SNX8: variants seen among roughly 807,000 people sequenced by gnomAD.
SNX8 encodes the protein sorting nexin-8.
Under a neutral mutation model 51.6 loss-of-function variants are expected in SNX8, and 25 were observed. The observed-to-expected ratio is 0.48, with a 90% CI of 0.35 to 0.68. The LOEUF (loss-of-function observed/expected upper bound fraction) is 0.68, where lower values mean the gene tolerates loss of function less well. SNX8 is among the 30% of genes least tolerant of loss of function. The pLI is 0.00. For synonymous variants in SNX8, 324 were observed against 277.0 expected, an observed-to-expected ratio of 1.17 and a Z score of -1.68; for missense variants, 695 against 624.0, an observed-to-expected ratio of 1.11 and a Z score of -1.21.
At chr7:2,350,531 C>T (rs892283962) in intron 1 of SNX8, among the ~76,000 whole-genome samples, 8 of 152,174 alleles carry the variant, frequency 5.3e-5, no homozygotes, top group African/African-American at 7.2e-5. Flanking sequence ...GGGCCGAGCG[C>T]GGTGGCTCAT....
intron 1 of SNX8, among the ~76,000 whole-genome samples, chr7:2,294,487 T>C (rs1163328403): frequency 6.6e-6 from 1 of 152,072 alleles, no homozygotes; most frequent in African/African-American, 2.4e-5. Flanking sequence ...GTAGGTACAT[T>C]TGTGATCTCA....
chr7:2,266,216 ACT>A (rs1382721500), intron 5 of SNX8, among the ~76,000 whole-genome samples: 2 of 151,834 alleles, frequency 1.3e-5, no homozygotes, highest in Non-Finnish European at 2.9e-5. Context: ...ACAAAGTCTC[ACT>A]CTGTTACCCA....
chr7:2,276,204 G>A (rs79527313), intron 2 of SNX8, among the ~76,000 whole-genome samples: 4,033 of 152,222 alleles, frequency 0.026, 173 homozygotes, highest in African/African-American at 0.092. Flanking sequence ...GCAACGGCAC[G>A]TCTCACACGC....
chr7:2,257,605 G>A (rs1292723173), intron 8 of SNX8, 91 bp from the exon 9 acceptor site: 1 of 1,576,612 alleles, frequency 6.3e-7, no homozygotes. Context: ...CCGCCAGACG[G>A]AAGGCCCCGT....
intron 1 of SNX8, among the ~76,000 whole-genome samples, chr7:2,302,436 T>C (rs1304497759): frequency 6.6e-6 from 1 of 152,168 alleles, no homozygotes; most frequent in East Asian, 1.9e-4. Context: ...TGCAGTGGTG[T>C]GATCTCGGCT....
rs75682168 is a variant in SNX8 at position 2,333,446 on chromosome 7, C to T, written c.-66+20776G>A. ...ATGGTGGTGTGCGCGCCTGTAGTCC[C>T]AGCTACTCGGGAGGCTGAGGCAGGA... On this transcript the variant is annotated intron_variant, in intron 1 of 5. Transcript: ENST00000435336. Among the ~76,000 whole-genome samples the T allele has an allele frequency of 5.9e-5, 9 of 152,018 alleles. No individual in the cohort carries two copies. The East Asian group carries it at 1.7e-3, about 29-fold the overall frequency.
chr7:2,268,944 G>C (rs1394621243), intron 5 of SNX8, among the ~76,000 whole-genome samples: 1 of 131,518 alleles, frequency 7.6e-6, no homozygotes, highest in Non-Finnish European at 1.7e-5. Context: ...CGCCCCGTCC[G>C]GGAGGTGAGG....
chr7:2,293,566 G>T (rs1796202607), intron 1 of SNX8, among the ~76,000 whole-genome samples: 1 of 151,748 alleles, frequency 6.6e-6, no homozygotes, highest in South Asian at 2.1e-4. Context: ...GAAGGCTGAA[G>T]CAGGAGAATC....
chr7:2,336,447 A>G (rs941542710), intron 1 of SNX8, among the ~76,000 whole-genome samples: 2 of 151,942 alleles, frequency 1.3e-5, no homozygotes, highest in Admixed American at 6.6e-5. Flanking sequence ...GGTGGCTCAC[A>G]CCTGTAATCC....
At chr7:2,277,323 C>T (rs1010877389) in intron 2 of SNX8, among the ~76,000 whole-genome samples, 2 of 152,134 alleles carry the variant, frequency 1.3e-5, no homozygotes, top group Non-Finnish European at 2.9e-5. Flanking sequence ...ACAGGAGGGC[C>T]GTGTTATTAA....
chr7:2,346,115 A>G (rs914233823), intron 1 of SNX8, among the ~76,000 whole-genome samples: 3 of 152,092 alleles, frequency 2.0e-5, no homozygotes, highest in Non-Finnish European at 4.4e-5. Flanking sequence ...CCTATTTCTT[A>G]TAATAGCATA....
chr7:2,333,993 G>A (rs1778782652), intron 1 of SNX8, among the ~76,000 whole-genome samples: 1 of 151,934 alleles, frequency 6.6e-6, no homozygotes, highest in South Asian at 2.1e-4. Context: ...AAAATTAGCA[G>A]GCAGAGGGGC....
At chr7:2,314,831 TCCACTCAC>T (rs1439064246), upstream of SNX8, among the ~76,000 whole-genome samples, 1 of 152,188 alleles carries the variant, frequency 6.6e-6, no homozygotes, top group African/African-American at 2.4e-5. Context: ...TCCTCATTCA[TCCACTCAC>T]CCACTCATTC....
At position 2,264,474 on chromosome 7, in the gene SNX8, G is replaced by C. The variant is rs768671700; in HGVS notation, c.622-16C>G. 1 of 1,605,334 alleles carries C rather than the reference G, an allele frequency of 6.2e-7. No homozygotes were observed. The highest frequency in any genetic ancestry group is 1.3e-5 in the African/African-American group (1 of 75,014). ...GGAGGAAGTCCTGACATCATGATGG[G>C]GGGAGAGACACTGTGTTAGTCGCTG... On this transcript the variant is annotated splice_polypyrimidine_tract_variant and intron_variant, in intron 5 of 10. Coordinates refer to ENST00000222990, the MANE Select transcript of SNX8 (RefSeq NM_013321.4).
chr7:2,255,184 A>T lies in SNX8; in HGVS notation c.1285-15T>A. 2 of 1,489,536 alleles carry T rather than the reference A, an allele frequency of 1.3e-6. No individual in the cohort carries two copies. The highest frequency in any genetic ancestry group is 9.1e-7 in the Non-Finnish European group (1 of 1,100,270). The allele number at this position is 1,489,536 out of a possible 1,614,324, so 92.3% of individuals were successfully genotyped here. A position where few individuals can be genotyped will look rare whatever the true frequency, so the allele number is the denominator to read the frequency against. On this transcript the variant is annotated splice_polypyrimidine_tract_variant and intron_variant, in intron 10 of 10. Coordinates refer to ENST00000222990, the MANE Select transcript of SNX8 (RefSeq NM_013321.4). The stretch of plus-strand genomic sequence containing the variant: ...ACCTTGCTCATCTGAAAGGGAAGCG[A>T]AGAGAACAAGATCAGCAGGCGGGGC...
intron 9 of SNX8, 150 bp downstream of exon 9, chr7:2,257,215 G>A (rs1408706135): frequency 8.8e-7 from 1 of 1,133,712 alleles, no homozygotes; most frequent in East Asian, 2.6e-5. Flanking sequence ...CTCTGGGCAC[G>A]CGGGCCAGCT....
chr7:2,263,169 C>A, intron 7 of SNX8, 61 bp downstream of exon 7: 4 of 1,575,618 alleles, frequency 2.5e-6, no homozygotes. Flanking sequence ...AGGAGGCACT[C>A]CCCATGCAAA....
chr7:2,308,263 T>C (rs2115201387), intron 1 of SNX8, among the ~76,000 whole-genome samples: 1 of 152,250 alleles, frequency 6.6e-6, no homozygotes, highest in Middle Eastern at 3.4e-3. Context: ...AGGTTTCTGT[T>C]TTCTGGAGAG....
In SNX8 at chr7:2,255,003, T is replaced by C. The variant is rs1795140761; in HGVS notation, c.*53A>G. ...AAGGGAATTACACCGGGACACACCG[T>C]TTGGAAAGAGGTTTTAGTGCGGCCG... On this transcript the variant is annotated 3_prime_UTR_variant, in exon 11 of 11. Coordinates refer to ENST00000222990, the MANE Select transcript of SNX8 (RefSeq NM_013321.4). The C allele has an allele frequency of 8.4e-7, 1 of 1,190,360 alleles. No individual in the cohort carries two copies. The highest frequency in any genetic ancestry group is 1.2e-6 in the Non-Finnish European group (1 of 820,820). The allele number at this position is 1,190,360 out of a possible 1,614,324, so 73.7% of individuals were successfully genotyped here.
Sources: allele counts gnomAD v4.1 joint callset (sites outside exome capture counted in the v4.1 genomes callset), GRCh38; gene constraint gnomAD v4.1.1; transcripts MANE v1.5; gene names NCBI Gene and HGNC (gene_info 2026-07-23, HGNC 2026-07-21).